Variants in CTNNA3 observed in about 807,000 individuals in gnomAD.
CTNNA3 encodes the protein catenin alpha-3.
In CTNNA3, 76 loss-of-function variants were observed where a neutral mutation model predicts 95.7. The observed-to-expected ratio is 0.79, with a 90% CI of 0.66 to 0.96. The LOEUF (loss-of-function observed/expected upper bound fraction) is 0.96, where lower values mean the gene tolerates loss of function less well. Ranked by LOEUF, CTNNA3 falls within the 40% of genes least tolerant of loss-of-function variation. The pLI is 0.00. For missense variants in CTNNA3, 1,191 were observed against 1,089.8 expected (o/e 1.09, Z -1.31); for synonymous variants, 431 against 374.4 (o/e 1.15, Z -1.74).
intron 13 of CTNNA3, among the ~76,000 whole-genome samples, chr10:66,203,098 C>T (rs2087539470): frequency 6.6e-6 from 1 of 152,168 alleles, no homozygotes; most frequent in African/African-American, 2.4e-5. Flanking sequence ...GGACCAGGAT[C>T]AACCATATAG....
chr10:66,051,140 G>A (rs1047620343), intron 15 of CTNNA3, among the ~76,000 whole-genome samples: 12 of 152,250 alleles, frequency 7.9e-5, no homozygotes, highest in African/African-American at 2.6e-4. Context: ...CTCCCAAAGT[G>A]CTGAGAATAG....
intron 7 of CTNNA3, among the ~76,000 whole-genome samples, chr10:66,902,794 G>C (rs10822937): frequency 0.8 from 121,322 of 152,080 alleles, 49,427 homozygotes; most frequent in Non-Finnish European, 0.89. Flanking sequence ...TGGATAAATT[G>C]CTGGACACAT....
chr10:66,665,053 T>C (rs926873768), intron 9 of CTNNA3, among the ~76,000 whole-genome samples: 2 of 152,110 alleles, frequency 1.3e-5, no homozygotes, highest in Admixed American at 1.3e-4. Context: ...AGTTACTCTG[T>C]ATAACAAGTA....
intron 5 of CTNNA3, among the ~76,000 whole-genome samples, chr10:67,342,882 AGTTTT>A (rs1171120686): frequency 6.6e-6 from 1 of 151,744 alleles, no homozygotes; most frequent in African/African-American, 2.4e-5. Flanking sequence ...TAATTTCTCC[AGTTTT>A]GTTTTGTTTT....
chr10:66,934,776 T>C (rs866575930), intron 7 of CTNNA3, among the ~76,000 whole-genome samples: 1 of 152,298 alleles, frequency 6.6e-6, no homozygotes, highest in East Asian at 1.9e-4. Context: ...GCCTGGCATA[T>C]AAAATAGTAA....
intron 8 of CTNNA3, among the ~76,000 whole-genome samples, chr10:66,773,287 T>A (rs935641276): frequency 6.6e-6 from 1 of 152,182 alleles, no homozygotes; most frequent in Non-Finnish European, 1.5e-5. Context: ...CCTATTGAAC[T>A]GGGACAGGGT....
chr10:66,497,766 A>G (rs1253204228), intron 11 of CTNNA3, among the ~76,000 whole-genome samples: 1 of 152,146 alleles, frequency 6.6e-6, no homozygotes, highest in East Asian at 1.9e-4. Flanking sequence ...CCACAGGCCA[A>G]TAACCAGACA....
chr10:66,234,849 C>T (rs2054386), intron 13 of CTNNA3, among the ~76,000 whole-genome samples: 122,867 of 152,134 alleles, frequency 0.81, 49,962 homozygotes, highest in South Asian at 0.94. Context: ...GATTACCTTC[C>T]AAAAGACTGT....
At chr10:66,171,398 T>A (rs553747897) in intron 13 of CTNNA3, among the ~76,000 whole-genome samples, 2 of 151,114 alleles carry the variant, frequency 1.3e-5, no homozygotes, top group Non-Finnish European at 3.0e-5. Flanking sequence ...AATAAAAAAA[T>A]AGCCAGGCAT....
intron 7 of CTNNA3, among the ~76,000 whole-genome samples, chr10:67,083,592 T>A (rs1857155354): frequency 6.6e-6 from 1 of 152,188 alleles, no homozygotes; most frequent in South Asian, 2.1e-4. Flanking sequence ...GAGAAGAAGC[T>A]AAGAATTATT....
At chr10:67,626,928 T>C (rs2133425837) in intron 2 of CTNNA3, among the ~76,000 whole-genome samples, 1 of 152,314 alleles carries the variant, frequency 6.6e-6, no homozygotes, top group East Asian at 1.9e-4. Context: ...ATAAAGCTAG[T>C]TTTAAAATTG....
intron 15 of CTNNA3, among the ~76,000 whole-genome samples, chr10:65,992,201 T>C (rs556542898): frequency 1.3e-5 from 2 of 152,190 alleles, no homozygotes; most frequent in South Asian, 2.1e-4. Context: ...TATTGACCTG[T>C]AGTTTTCTTT....
At chr10:66,438,888 G>T (rs1564963513) in intron 11 of CTNNA3, among the ~76,000 whole-genome samples, 2 of 152,140 alleles carry the variant, frequency 1.3e-5, no homozygotes, top group African/African-American at 4.8e-5. Flanking sequence ...AAGTATATGG[G>T]CCAGAGTGCA....
intron 5 of CTNNA3, among the ~76,000 whole-genome samples, chr10:67,332,473 G>T (rs76896620): frequency 0.041 from 6,227 of 152,214 alleles, 182 homozygotes; most frequent in South Asian, 0.1. Context: ...ATAGATTTCT[G>T]TAAGATGTCT....
rs527483231 is a variant in CTNNA3 at position 67,759,393 on chromosome 10, T to G, written c.-2+4041A>C. 5.9e-5 allele frequency among the ~76,000 whole-genome samples: 9 copies of G among 152,352 alleles called. No homozygotes were observed. The South Asian group carries it at 1.7e-3, about 28-fold the overall frequency. Reference sequence around the variant, plus strand: ...GCAGTTGTTGTCAAACCTATTCCTTTTGAGTGAAGTGCAAAAGCACACAAG... The same window carrying G: ...GCAGTTGTTGTCAAACCTATTCCTTGTGAGTGAAGTGCAAAAGCACACAAG... On this transcript the variant is annotated intron_variant, in intron 1 of 17. Transcript: ENST00000684154.
chr10:67,705,476 T>A (rs1244589465), intron 1 of CTNNA3, among the ~76,000 whole-genome samples: 6 of 149,284 alleles, frequency 4.0e-5, no homozygotes, highest in African/African-American at 1.5e-4. Flanking sequence ...ATGTCCTTTG[T>A]AGGGACATGG....
intron 5 of CTNNA3, among the ~76,000 whole-genome samples, chr10:67,520,562 G>T (rs1192554925): frequency 6.6e-6 from 1 of 152,066 alleles, no homozygotes; most frequent in Non-Finnish European, 1.5e-5. Flanking sequence ...GTAGCACTCA[G>T]TAACCATCAA....
rs564533643 is a variant in CTNNA3, at chr10:66,701,898, A to G, written c.1281+64366T>C. ...TATGTTTTATATGCACCTTATACCC[A>G]TAGACTGAAGGCAACATTATATAAT... On this transcript the variant is annotated intron_variant, in intron 9 of 17. Coordinates refer to ENST00000433211, the MANE Select transcript of CTNNA3 (RefSeq NM_013266.4). Among the ~76,000 whole-genome samples, 192 of 152,310 alleles carry G rather than the reference A, an allele frequency of 1.3e-3. 1 individual carries two copies. Among genetic ancestry groups the G allele is most frequent in the Non-Finnish European group, 7.4e-4 (50 of 68,020 alleles).
At chr10:67,633,991 T>C (rs1047739690) in intron 2 of CTNNA3, among the ~76,000 whole-genome samples, 1 of 152,088 alleles carries the variant, frequency 6.6e-6, no homozygotes, top group Non-Finnish European at 1.5e-5. Flanking sequence ...CCCAGTAAGA[T>C]GCTCCATGAG....
Sources: allele counts gnomAD v4.1 joint callset (sites outside exome capture counted in the v4.1 genomes callset), GRCh38; gene constraint gnomAD v4.1.1; transcripts MANE v1.5; gene names NCBI Gene and HGNC (gene_info 2026-07-23, HGNC 2026-07-21).